Variants in ARHGAP28 observed in about 807,000 individuals in gnomAD.
ARHGAP28 encodes Rho GTPase activating protein 28, also known as rho GTPase-activating protein 28.
Under a neutral mutation model 90.7 loss-of-function variants are expected in ARHGAP28, and 56 were observed. The observed-to-expected ratio is 0.62, with a 90% CI of 0.50 to 0.77. The LOEUF is 0.77. Ranked by LOEUF, ARHGAP28 falls within the 30% of genes least tolerant of loss-of-function variation. The probability of loss-of-function intolerance (pLI) is 0.00; values close to 1 mark genes in which losing one functional copy is unlikely to be tolerated. For missense variants in ARHGAP28, 869 were observed against 900.9 expected, an observed-to-expected ratio of 0.96 and a Z score of 0.45; for synonymous variants, 308 against 323.3, an observed-to-expected ratio of 0.95 and a Z score of 0.51.
chr18:6,764,148 G>A (rs547994753), intron 1 of ARHGAP28, among the ~76,000 whole-genome samples: 2 of 152,228 alleles, frequency 1.3e-5, no homozygotes, highest in East Asian at 3.9e-4. Context: ...AAGGGCAGTA[G>A]CTCAATTACT....
intron 3 of ARHGAP28, chr18:6,850,826 C>G (rs1567969955): frequency 7.2e-6 from 11 of 1,522,528 alleles, no homozygotes; most frequent in Non-Finnish European, 9.6e-6. Context: ...GAGACGAATT[C>G]TGTTACAGTA....
intron 6 of ARHGAP28, 38 bp from the exon 7 acceptor site, chr18:6,870,552 G>A (rs929620858): frequency 1.3e-6 from 2 of 1,528,546 alleles, no homozygotes; most frequent in Admixed American, 1.9e-5. Flanking sequence ...TGATTAAATA[G>A]CATATTAAAT....
At position 6,881,482 on chromosome 18, in the gene ARHGAP28, T is replaced by G. The variant is rs140743295; in HGVS notation, c.1291-655T>G. 7.2e-5 allele frequency among the ~76,000 whole-genome samples: 11 copies of G among 152,344 alleles called. No homozygotes were observed. In the East Asian group the frequency reaches 2.1e-3, roughly 29 times the overall value. On this transcript the variant is annotated intron_variant, in intron 10 of 17. Transcript: ENST00000383472. The stretch of plus-strand genomic sequence containing the variant: ...TCAGATGAATTCATAATGTAAAATT[T>G]GTTAGCCAAGTAGAACTTACGGAGG...
chr18:6,826,451 TC>T (rs1263775464), intron 2 of ARHGAP28, among the ~76,000 whole-genome samples: 1 of 151,950 alleles, frequency 6.6e-6, no homozygotes, highest in African/African-American at 2.4e-5. Flanking sequence ...GTTAATGGTT[TC>T]TTTTGCTGTG....
chr18:6,895,917 C>T (rs1299413106), intron 15 of ARHGAP28, among the ~76,000 whole-genome samples: 2 of 152,126 alleles, frequency 1.3e-5, no homozygotes, highest in Admixed American at 6.6e-5. Context: ...TGTACATCAC[C>T]ATCCTTTGAG....
At chr18:6,880,762 G>C (rs1342826273) in intron 10 of ARHGAP28, among the ~76,000 whole-genome samples, 1 of 151,928 alleles carries the variant, frequency 6.6e-6, no homozygotes, top group Non-Finnish European at 1.5e-5. Context: ...CTCTTTCCTG[G>C]CTGCATAGCA....
At chr18:6,894,715 T>G in intron 14 of ARHGAP28, 120 bp from the exon 15 acceptor site, 1 of 766,876 alleles carries the variant, frequency 1.3e-6, no homozygotes, top group South Asian at 1.7e-5. Flanking sequence ...TGCATATACA[T>G]TTTATAATTT....
At chr18:6,822,182 T>C (rs940899479) in intron 1 of ARHGAP28, among the ~76,000 whole-genome samples, 8 of 152,242 alleles carry the variant, frequency 5.3e-5, no homozygotes, top group Non-Finnish European at 1.0e-4. Context: ...TAAACACTTA[T>C]ACTGCATTAT....
intron 1 of ARHGAP28, among the ~76,000 whole-genome samples, chr18:6,768,621 G>A (rs1051312258): frequency 6.6e-6 from 1 of 152,132 alleles, no homozygotes; most frequent in Non-Finnish European, 1.5e-5. Context: ...AGTTGACGCT[G>A]CACATGAGTG....
intron 5 of ARHGAP28, among the ~76,000 whole-genome samples, chr18:6,867,324 C>T (rs1022038866): frequency 6.6e-6 from 1 of 152,136 alleles, no homozygotes; most frequent in Non-Finnish European, 1.5e-5. Context: ...AGAAATCAGG[C>T]TCTGGGGGAA....
intron 1 of ARHGAP28, among the ~76,000 whole-genome samples, chr18:6,755,629 A>G (rs1600154545): frequency 6.6e-6 from 1 of 152,212 alleles, no homozygotes; most frequent in African/African-American, 2.4e-5. Flanking sequence ...AGACAACTGT[A>G]TATTTTATTA....
intron 16 of ARHGAP28, among the ~76,000 whole-genome samples, chr18:6,899,944 C>G (rs1166400961): frequency 6.6e-6 from 1 of 152,126 alleles, no homozygotes; most frequent in East Asian, 1.9e-4. Flanking sequence ...CTGCTTCCTC[C>G]CCTCCTCTTT....
intron 1 of ARHGAP28, 124 bp from the exon 2 acceptor site, chr18:6,824,638 A>G (rs1202094578): frequency 5.9e-6 from 5 of 848,952 alleles, no homozygotes; most frequent in Non-Finnish European, 5.2e-6. Flanking sequence ...TATCTCAACC[A>G]TGGTTACTCC....
chr18:6,773,617 T>G (rs984096957), intron 1 of ARHGAP28, among the ~76,000 whole-genome samples: 4 of 152,178 alleles, frequency 2.6e-5, no homozygotes, highest in African/African-American at 9.7e-5. Flanking sequence ...CTTCTGACCA[T>G]AAGTTGCGTG....
At chr18:6,777,439 G>A (rs1453179844) in intron 1 of ARHGAP28, among the ~76,000 whole-genome samples, 3 of 152,154 alleles carry the variant, frequency 2.0e-5, no homozygotes, top group African/African-American at 7.2e-5. Flanking sequence ...AAAGATTTGC[G>A]AGGCTGGGCG....
chr18:6,746,621 T>C lies in ARHGAP28; in HGVS notation c.122+16678T>C, dbSNP rs575652556. On this transcript the variant is annotated intron_variant, in intron 1 of 17. Coordinates refer to ENST00000383472, the MANE Select transcript of ARHGAP28 (RefSeq NM_001366230.1). ...GGTTGCACCTGTTACAATCTCTCAT[T>C]TTTAAGTGAAAACACTGAGTCTCAG... Among the ~76,000 whole-genome samples the C allele has an allele frequency of 3.3e-5, 5 of 152,198 alleles. No homozygotes were observed. The South Asian group carries it at 8.3e-4, about 25-fold the overall frequency.
At chr18:6,769,282 A>G (rs1294182715) in intron 1 of ARHGAP28, among the ~76,000 whole-genome samples, 1 of 152,014 alleles carries the variant, frequency 6.6e-6, no homozygotes, top group African/African-American at 2.4e-5. Context: ...CTGTTTCCCA[A>G]TCATCTTTCA....
At chr18:6,864,581 A>G (rs975224187) in intron 5 of ARHGAP28, among the ~76,000 whole-genome samples, 8 of 152,302 alleles carry the variant, frequency 5.3e-5, no homozygotes, top group Non-Finnish European at 1.2e-4. Flanking sequence ...GTGATGGTAA[A>G]TATTACTCAT....
chr18:6,848,031 A>G (rs764893510), intron 3 of ARHGAP28, among the ~76,000 whole-genome samples: 1 of 152,142 alleles, frequency 6.6e-6, no homozygotes, highest in Non-Finnish European at 1.5e-5. Flanking sequence ...TTGGGGGTTG[A>G]TCATGTAGGC....
Sources: gnomAD v4.1 joint callset for allele counts (sites outside exome capture counted in the v4.1 genomes callset) on GRCh38, gnomAD v4.1.1 for gene constraint, MANE v1.5 for transcripts, NCBI Gene and HGNC (gene_info 2026-07-23, HGNC 2026-07-21) for gene names.